FBXL7: variants seen among roughly 807,000 people sequenced by gnomAD.
FBXL7 encodes the protein F-box and leucine rich repeat protein 7.
Under a neutral mutation model 38.3 loss-of-function variants are expected in FBXL7, and 12 were observed. The observed-to-expected ratio is 0.31, with a 90% CI of 0.20 to 0.51. The LOEUF (loss-of-function observed/expected upper bound fraction) is 0.51. Among genes scored for constraint, FBXL7 ranks in the 20% least tolerant of loss-of-function variants. FBXL7 has a pLI of 0.98. For synonymous variants in FBXL7, 297 were observed against 300.9 expected (o/e 0.99, Z 0.13); for missense variants, 567 against 676.4 (o/e 0.84, Z 1.79).
chr5:15,727,853 G>A (rs1488447361), intron 2 of FBXL7, among the ~76,000 whole-genome samples: 8 of 152,052 alleles, frequency 5.3e-5, no homozygotes, highest in Admixed American at 2.6e-4. Flanking sequence ...TACAATGCAC[G>A]TATTGGTTTG....
intron 2 of FBXL7, among the ~76,000 whole-genome samples, chr5:15,621,521 A>G (rs1156979330): frequency 1.3e-5 from 2 of 152,334 alleles, no homozygotes; most frequent in East Asian, 3.9e-4. Flanking sequence ...TAGAGCACAC[A>G]GCAGAGCATG....
At chr5:15,502,798 G>C (rs910823753) in intron 1 of FBXL7, among the ~76,000 whole-genome samples, 3 of 152,134 alleles carry the variant, frequency 2.0e-5, no homozygotes, top group Non-Finnish European at 4.4e-5. Context: ...TAACCTGCTG[G>C]GCTCAGGTGT....
Position 15,751,245 on chromosome 5 carries a change from TA to T in FBXL7, c.127+135178del, listed in dbSNP as rs891516637. On this transcript the variant is annotated intron_variant, in intron 2 of 3. Coordinates refer to ENST00000504595, the MANE Select transcript of FBXL7 (RefSeq NM_012304.5). ...TTCCCATAAGGCTCTAGCCCAGTGG[TA>T]AAAATTTTTCTTTTCACTTTTTCTT... Among the ~76,000 whole-genome samples the T allele has an allele frequency of 2.4e-4, 21 of 88,746 alleles. No individual in the cohort carries two copies. In the South Asian group the frequency reaches 5.8e-3, roughly 25 times the overall value. The allele number at this position is 88,746 out of a possible 152,430, so 58.2% of individuals were successfully genotyped here.
chr5:15,543,092 C>T (rs1258211656), intron 1 of FBXL7, among the ~76,000 whole-genome samples: 1 of 152,144 alleles, frequency 6.6e-6, no homozygotes, highest in African/African-American at 2.4e-5. Context: ...AATTTTCTTC[C>T]ACATTTCCAA....
intron 1 of FBXL7, among the ~76,000 whole-genome samples, chr5:15,531,783 A>G (rs961608425): frequency 6.6e-6 from 1 of 152,202 alleles, no homozygotes; most frequent in African/African-American, 2.4e-5. Context: ...CACTAAATCC[A>G]TCCTTGTACA....
At chr5:15,857,617 G>T (rs147446306) in intron 2 of FBXL7, among the ~76,000 whole-genome samples, 1 of 152,198 alleles carries the variant, frequency 6.6e-6, no homozygotes, top group Admixed American at 6.5e-5. Flanking sequence ...TAAGAGAGCC[G>T]TAGGCACCAT....
At chr5:15,761,436 G>T (rs760541376) in intron 2 of FBXL7, among the ~76,000 whole-genome samples, 12 of 152,102 alleles carry the variant, frequency 7.9e-5, no homozygotes, top group Non-Finnish European at 1.5e-4. Flanking sequence ...GGAAACAAAA[G>T]ATTTATTAGT....
rs546885265 is a variant in FBXL7 at position 15,834,449 on chromosome 5, T to C, written c.128-93441T>C. On this transcript the variant is annotated intron_variant, in intron 2 of 3. Coordinates refer to ENST00000504595, the MANE Select transcript of FBXL7 (RefSeq NM_012304.5). ...TCCCTCATTAAGGTGTTAAAGAGTATTTTTACACCAGTTTTCTCTATTTAT... is the reference window on the plus strand; with the variant it reads ...TCCCTCATTAAGGTGTTAAAGAGTACTTTTACACCAGTTTTCTCTATTTAT... 7.9e-5 allele frequency among the ~76,000 whole-genome samples: 12 copies of C among 152,334 alleles called. 1 individual carries two copies. The South Asian group carries it at 2.3e-3, about 29-fold the overall frequency.
In FBXL7 at chr5:15,502,722, C is replaced by T. The variant is rs181010149; in HGVS notation, c.37+2009C>T. ...AACCCCACCTATACTGTGGCTCCTCCCAAATAGGGATGTAATATATGTAAT... is the reference window on the plus strand; with the variant it reads ...AACCCCACCTATACTGTGGCTCCTCTCAAATAGGGATGTAATATATGTAAT... On this transcript the variant is annotated intron_variant, in intron 1 of 3. Coordinates refer to ENST00000504595, the MANE Select transcript of FBXL7 (RefSeq NM_012304.5). Among the ~76,000 whole-genome samples, 761 of 152,180 alleles carry T rather than the reference C, an allele frequency of 5.0e-3. 5 individuals carry two copies. The highest frequency in any genetic ancestry group is 0.027 in the Middle Eastern group (8 of 294).
chr5:15,758,307 A>C (rs965338527), intron 2 of FBXL7, among the ~76,000 whole-genome samples: 3 of 150,468 alleles, frequency 2.0e-5, no homozygotes, highest in Admixed American at 6.7e-5. Flanking sequence ...TTTATAAACA[A>C]GGGCATTTTT....
intron 1 of FBXL7, among the ~76,000 whole-genome samples, chr5:15,615,724 GACT>G (rs540395902): frequency 3.9e-5 from 6 of 152,216 alleles, no homozygotes; most frequent in South Asian, 2.1e-4. Context: ...TATCATATTT[GACT>G]ACGTTTTATA....
chr5:15,660,848 G>T (rs952046418), intron 2 of FBXL7, among the ~76,000 whole-genome samples: 1 of 152,186 alleles, frequency 6.6e-6, no homozygotes, highest in African/African-American at 2.4e-5. Flanking sequence ...AGTACACCGA[G>T]GTCCTTCCAG....
rs940107384 is a variant in FBXL7, at chr5:15,937,655, T to A, written c.*469T>A. ...CTCTAAACTGCTTCATTGACCTAAG[T>A]CACTCTCTTCAATCCCACACCCATG... is the stretch of plus-strand genomic sequence containing the variant. On this transcript the variant is annotated 3_prime_UTR_variant, in exon 4 of 4. Coordinates refer to ENST00000504595, the MANE Select transcript of FBXL7 (RefSeq NM_012304.5). The A allele has an allele frequency of 2.4e-5, 4 of 164,662 alleles. No individual in the cohort carries two copies. The highest frequency in any genetic ancestry group is 9.6e-5 in the African/African-American group (4 of 41,478). The allele number at this position is 164,662 out of a possible 1,614,324, so 10.2% of individuals were successfully genotyped here.
chr5:15,661,163 T>C (rs1742054859), intron 2 of FBXL7, among the ~76,000 whole-genome samples: 1 of 152,218 alleles, frequency 6.6e-6, no homozygotes, highest in Admixed American at 6.5e-5. Context: ...TTTTTTTTGT[T>C]GGCTTTAGGA....
chr5:15,664,691 C>T lies in FBXL7; in HGVS notation c.127+48619C>T, dbSNP rs1452072615. Reference sequence around the variant, plus strand: ...TTCACTATGTTGGCCAGGATTGTCTCGATCTCTTGACCTCATGATCCGCCC... The same window carrying T: ...TTCACTATGTTGGCCAGGATTGTCTTGATCTCTTGACCTCATGATCCGCCC... On this transcript the variant is annotated intron_variant, in intron 2 of 3. Coordinates refer to ENST00000504595, the MANE Select transcript of FBXL7 (RefSeq NM_012304.5). Among the ~76,000 whole-genome samples, 6 of 151,810 alleles carry T rather than the reference C, an allele frequency of 4.0e-5. No homozygotes were observed. The East Asian group carries it at 5.8e-4, about 15-fold the overall frequency.
At chr5:15,738,625 C>T (rs1735818149) in intron 2 of FBXL7, among the ~76,000 whole-genome samples, 1 of 152,202 alleles carries the variant, frequency 6.6e-6, no homozygotes, top group South Asian at 2.1e-4. Context: ...GACCTGCTTA[C>T]TTTCTCTAAA....
chr5:15,557,012 A>G (rs1240806725), intron 1 of FBXL7, among the ~76,000 whole-genome samples: 1 of 152,144 alleles, frequency 6.6e-6, no homozygotes, highest in Non-Finnish European at 1.5e-5. Context: ...ATCTCGGCTC[A>G]CTGCAAGCTC....
At chr5:15,788,683 A>C (rs1276237015) in intron 2 of FBXL7, among the ~76,000 whole-genome samples, 8 of 150,350 alleles carry the variant, frequency 5.3e-5, no homozygotes, top group Admixed American at 4.6e-4. Context: ...TCCTGGCTTC[A>C]AGGGCACCTC....
intron 2 of FBXL7, among the ~76,000 whole-genome samples, chr5:15,674,594 G>A (rs893457084): frequency 6.6e-6 from 1 of 152,122 alleles, no homozygotes; most frequent in Non-Finnish European, 1.5e-5. Flanking sequence ...AACTCATAGG[G>A]TTTGTAATTT....
Sources: allele counts gnomAD v4.1 joint callset (sites outside exome capture counted in the v4.1 genomes callset), GRCh38; gene constraint gnomAD v4.1.1; transcripts MANE v1.5; gene names NCBI Gene and HGNC (gene_info 2026-07-23, HGNC 2026-07-21).